Variants in KIAA1671 observed in about 807,000 individuals in gnomAD.
KIAA1671 encodes the protein uncharacterized protein KIAA1671.
In KIAA1671, 52 loss-of-function variants were observed where a neutral mutation model predicts 131.2. The observed-to-expected ratio is 0.40, with a 90% CI of 0.32 to 0.50. KIAA1671 has a LOEUF of 0.50. Ranked by LOEUF, KIAA1671 falls within the 20% of genes least tolerant of loss-of-function variation. The pLI is 0.73. For missense variants in KIAA1671, 2,360 were observed against 2,364.2 expected, an observed-to-expected ratio of 1.00 and a Z score of 0.04; for synonymous variants, 1,003 against 961.6, an observed-to-expected ratio of 1.04 and a Z score of -0.80.
At chr22:25,168,259 AG>A (rs1382064521) in intron 6 of KIAA1671, among the ~76,000 whole-genome samples, 1 of 152,242 alleles carries the variant, frequency 6.6e-6, no homozygotes, top group African/African-American at 2.4e-5. Flanking sequence ...ACATCTGATG[AG>A]TTGCAGAATC....
At chr22:25,184,201 C>T (rs1055164592) in intron 10 of KIAA1671, among the ~76,000 whole-genome samples, 11 of 152,240 alleles carry the variant, frequency 7.2e-5, no homozygotes, top group Non-Finnish European at 1.2e-4. Flanking sequence ...GTGTGAATCC[C>T]AGTTCATAAA....
intron 6 of KIAA1671, among the ~76,000 whole-genome samples, chr22:25,077,858 G>C (rs1227762625): frequency 1.3e-5 from 2 of 152,216 alleles, no homozygotes; most frequent in African/African-American, 4.8e-5. Flanking sequence ...ATTTGGCTGT[G>C]GCCCTCACTC....
intron 6 of KIAA1671, among the ~76,000 whole-genome samples, chr22:25,095,089 AC>A (rs1337166700): frequency 6.6e-6 from 1 of 152,054 alleles, no homozygotes; most frequent in Non-Finnish European, 1.5e-5. Flanking sequence ...TTCAGACCAG[AC>A]AAGCCCAGGT....
chr22:24,972,439 T>C (rs1922670503), intron 1 of KIAA1671, among the ~76,000 whole-genome samples: 1 of 152,118 alleles, frequency 6.6e-6, no homozygotes, highest in South Asian at 2.1e-4. Flanking sequence ...CACCTACCCA[T>C]TCATCCACTC....
chr22:25,095,317 G>GC (rs1930340686), intron 6 of KIAA1671, among the ~76,000 whole-genome samples: 1 of 152,142 alleles, frequency 6.6e-6, no homozygotes. Context: ...GCATCTGGGA[G>GC]CAAAAAACAA....
intron 6 of KIAA1671, among the ~76,000 whole-genome samples, chr22:25,092,402 C>G (rs1930066177): frequency 6.6e-6 from 1 of 152,166 alleles, no homozygotes; most frequent in African/African-American, 2.4e-5. Flanking sequence ...TGCCAGCCTT[C>G]CATTGAGCAA....
chr22:25,077,831 C>T (rs2145859655), intron 6 of KIAA1671, among the ~76,000 whole-genome samples: 1 of 152,284 alleles, frequency 6.6e-6, no homozygotes, highest in South Asian at 2.1e-4. Context: ...CTCCCCAGAC[C>T]CTCTTGCTAC....
chr22:25,101,491 TATTG>T lies in KIAA1671; in HGVS notation c.4530+52148_4530+52151del, dbSNP rs368124033. On this transcript the variant is annotated intron_variant, in intron 6 of 12. Coordinates refer to ENST00000358431, the MANE Select transcript of KIAA1671 (RefSeq NM_001145206.2). ...AAAGATTTCCTTGCTAGATGATTTT[TATTG>T]ATTGATTGATTGATTGATTGCTCAT... Among the ~76,000 whole-genome samples the T allele has an allele frequency of 3.5e-3, 530 of 152,268 alleles. 2 individuals carry two copies. The highest frequency in any genetic ancestry group is 0.012 in the African/African-American group (499 of 41,558).
At chr22:24,953,468 A>G (rs1464649552) in intron 1 of KIAA1671, among the ~76,000 whole-genome samples, 1 of 151,952 alleles carries the variant, frequency 6.6e-6, no homozygotes. Context: ...GAGGCTCCGG[A>G]CACGTCCTCT....
rs56200570 is a variant in KIAA1671 at position 25,093,838 on chromosome 22, G to GTCTC, written c.4530+44519_4530+44522dup. Among the ~76,000 whole-genome samples the GTCTC allele has an allele frequency of 1.5e-4, 3 of 19,642 alleles. No individual in the cohort carries two copies. In the East Asian group the frequency reaches 3.6e-3, roughly 24 times the overall value. The allele number at this position is 19,642 out of a possible 152,430, so 12.9% of individuals were successfully genotyped here. On this transcript the variant is annotated intron_variant, in intron 6 of 12. Coordinates refer to ENST00000358431, the MANE Select transcript of KIAA1671 (RefSeq NM_001145206.2). Reference sequence around the variant, plus strand: ...TCTCTCTCTCTTTCTCTCTCTGTCTGTCTCTCTCTCTCTCTCTCTCTCTCT... The same window carrying GTCTC: ...TCTCTCTCTCTTTCTCTCTCTGTCTGTCTCTCTCTCTCTCTCTCTCTCTCTCTCT...
intron 6 of KIAA1671, among the ~76,000 whole-genome samples, chr22:25,129,525 A>G (rs1269716447): frequency 6.7e-6 from 1 of 149,572 alleles, no homozygotes; most frequent in Non-Finnish European, 1.5e-5. Context: ...AAAAAAACCC[A>G]CAGATTCTGG....
intron 6 of KIAA1671, chr22:25,062,825 C>T (rs1928236709): frequency 2.0e-5 from 2 of 99,862 alleles, no homozygotes; most frequent in Admixed American, 1.9e-4. Context: ...CCCACCCCCG[C>T]CCCCCGCCAC....
In KIAA1671 at chr22:25,040,064, T is replaced by C; in HGVS notation, c.2934T>C (p.Asp978=). 3.2e-6 allele frequency: 5 copies of C among 1,551,644 alleles called. No homozygotes were observed. The highest frequency in any genetic ancestry group is 4.4e-6 in the Non-Finnish European group (5 of 1,146,988). The part of the protein sequence containing the change: ...DSPHVGHRRT[D]YVSPTASALR... ...CACATGTGGGGCACAGACGAACAGA[T>C]TATGTGAGCCCCACAGCCAGTGCCT... Residue 978 remains aspartate (D), a synonymous_variant, in exon 5 of 13, where the codon GAT becomes GAC. Transcript: ENST00000358431.
chr22:25,015,559 G>A (rs1234885660), intron 1 of KIAA1671, among the ~76,000 whole-genome samples: 2 of 152,188 alleles, frequency 1.3e-5, no homozygotes, highest in Non-Finnish European at 2.9e-5. Flanking sequence ...GCTGCACTTG[G>A]ACAAGCGGCC....
chr22:25,184,874 C>T, intron 10 of KIAA1671, 103 bp from the exon 11 acceptor site: 1 of 1,384,088 alleles, frequency 7.2e-7, no homozygotes, highest in East Asian at 2.5e-5. Context: ...TTCAGGGGGC[C>T]CCGAGTGTTT....
At chr22:24,959,189 A>C (rs566165898) in intron 1 of KIAA1671, among the ~76,000 whole-genome samples, 2 of 151,572 alleles carry the variant, frequency 1.3e-5, no homozygotes, top group South Asian at 4.2e-4. Context: ...ATACATAAAA[A>C]TTTAAAAAAT....
At chr22:24,984,599 T>A (rs1923417417) in intron 1 of KIAA1671, among the ~76,000 whole-genome samples, 1 of 152,082 alleles carries the variant, frequency 6.6e-6, no homozygotes, top group Non-Finnish European at 1.5e-5. Flanking sequence ...TTCCCTTATA[T>A]GTGTGAGCTG....
At chr22:25,067,756 T>C (rs1928557278) in intron 6 of KIAA1671, among the ~76,000 whole-genome samples, 1 of 152,164 alleles carries the variant, frequency 6.6e-6, no homozygotes. Context: ...AGTCAACCCT[T>C]AGCAGCCTCC....
At chr22:24,997,352 A>G (rs1370206791) in intron 1 of KIAA1671, among the ~76,000 whole-genome samples, 1 of 152,150 alleles carries the variant, frequency 6.6e-6, no homozygotes, top group African/African-American at 2.4e-5. Context: ...GGAAAAAGAG[A>G]AGGCGACTGG....
Sources: allele counts gnomAD v4.1 joint callset (sites outside exome capture counted in the v4.1 genomes callset), GRCh38; gene constraint gnomAD v4.1.1; transcripts MANE v1.5; gene names NCBI Gene and HGNC (gene_info 2026-07-23, HGNC 2026-07-21).